The following USP48 variants were observed in gnomAD, a reference collection of about 807,000 sequenced individuals.
USP48 encodes ubiquitin carboxyl-terminal hydrolase 48.
In USP48, 43 loss-of-function variants were observed where a neutral mutation model predicts 150.7. That is an observed-to-expected ratio of 0.29 (90% CI 0.22 to 0.37). The LOEUF is 0.37. Among genes scored for constraint, USP48 ranks in the 10% least tolerant of loss-of-function variants. The pLI is 1.00. For missense variants in USP48, 813 were observed against 1,249.6 expected (o/e 0.65, Z 5.27); for synonymous variants, 396 against 425.9 (o/e 0.93, Z 0.86).
chr1:21,761,027 G>T (rs2097848672), intron 1 of USP48, among the ~76,000 whole-genome samples: 2 of 151,858 alleles, frequency 1.3e-5, no homozygotes, highest in Non-Finnish European at 2.9e-5. Flanking sequence ...CCAGCAGGGT[G>T]AAGGTTGTGG....
intron 8 of USP48, among the ~76,000 whole-genome samples, chr1:21,743,128 T>C (rs1298832913): frequency 2.6e-5 from 4 of 152,128 alleles, no homozygotes; most frequent in African/African-American, 7.2e-5. Flanking sequence ...TTTGTGGCTC[T>C]ATTGACCCTA....
chr1:21,755,652 T>C (rs113375053), intron 3 of USP48, among the ~76,000 whole-genome samples: 30 of 151,746 alleles, frequency 2.0e-4, no homozygotes, highest in East Asian at 3.9e-4. Context: ...TTACTACCAA[T>C]TGTGGCTTTC....
chr1:21,756,471 A>G (rs2097835374), intron 3 of USP48, 75 bp downstream of exon 3: 1 of 1,395,378 alleles, frequency 7.2e-7, no homozygotes, highest in Admixed American at 3.1e-5. Context: ...ACAGAGGAAG[A>G]CTCAAAAAAA....
rs373231302 is a variant in USP48, at chr1:21,697,489, C to T, written c.2728-2268G>A. On this transcript the variant is annotated intron_variant, in intron 22 of 26. Transcript: ENST00000308271. ...CCATCCTGGCTAACATGGTGAAACCCCGTCTCTACTAAAAATACAAAAAAT... is the reference window on the plus strand; with the variant it reads ...CCATCCTGGCTAACATGGTGAAACCTCGTCTCTACTAAAAATACAAAAAAT... Among the ~76,000 whole-genome samples, 227 of 152,002 alleles carry T rather than the reference C, an allele frequency of 1.5e-3. 2 individuals are homozygous for T. Among genetic ancestry groups the T allele is most frequent in the African/African-American group, 4.8e-3 (199 of 41,472 alleles).
intron 12 of USP48, among the ~76,000 whole-genome samples, chr1:21,723,566 AC>A (rs1310523634): frequency 2.0e-5 from 3 of 152,024 alleles, no homozygotes; most frequent in African/African-American, 7.2e-5. Context: ...CTTGCAATTA[AC>A]CAGACAAGGG....
rs1285592113 is a variant in USP48, at chr1:21,709,640, G to C, written c.1964-2772C>G. 2.6e-5 allele frequency among the ~76,000 whole-genome samples: 4 copies of C among 151,846 alleles called. No homozygotes were observed. The South Asian group carries it at 8.3e-4, about 32-fold the overall frequency. On this transcript the variant is annotated intron_variant, in intron 15 of 26. Transcript: ENST00000308271. The stretch of plus-strand genomic sequence containing the variant: ...GTGGTATAACCCCATGTGGTTATGA[G>C]GAAACAATAATGGGAATGCACACAC...
At chr1:21,756,905 A>T in intron 2 of USP48, 1 of 985,418 alleles carries the variant, frequency 1.0e-6, no homozygotes, top group East Asian at 1.1e-4. Flanking sequence ...GGAGTGAAAA[A>T]GACTTCGGAC....
At chr1:21,706,672 T>C in intron 16 of USP48, 72 bp downstream of exon 16, 1 of 1,611,170 alleles carries the variant, frequency 6.2e-7, no homozygotes, top group Non-Finnish European at 8.5e-7. Context: ...AGAAGTACAG[T>C]GTTAATTCCC....
At chr1:21,717,449 C>CCCAA (rs1045546248) in intron 14 of USP48, among the ~76,000 whole-genome samples, 106 of 58,846 alleles carry the variant, frequency 1.8e-3, no homozygotes, top group South Asian at 0.012. Flanking sequence ...TAAAAAAAAA[C>CCCAA]CCAACCAACC....
chr1:21,708,019 A>T (rs1261616112), intron 15 of USP48, among the ~76,000 whole-genome samples: 1 of 151,996 alleles, frequency 6.6e-6, no homozygotes, highest in Non-Finnish European at 1.5e-5. Flanking sequence ...AACATCAGCC[A>T]GGTATGGTGG....
chr1:21,777,565 G>A (rs1263373648), intron 1 of USP48, among the ~76,000 whole-genome samples: 2 of 152,040 alleles, frequency 1.3e-5, no homozygotes, highest in African/African-American at 4.8e-5. Flanking sequence ...TACTGGGGAT[G>A]TTGAGGCAAA....
chr1:21,685,351 A>G (rs1335148397), intron 25 of USP48, among the ~76,000 whole-genome samples: 23 of 137,362 alleles, frequency 1.7e-4, no homozygotes, highest in Non-Finnish European at 2.9e-4. Context: ...TTTGAGATGG[A>G]GTCTGTCATC....
At chr1:21,716,003 C>A (rs1332287383) in intron 14 of USP48, among the ~76,000 whole-genome samples, 2 of 152,212 alleles carry the variant, frequency 1.3e-5, no homozygotes, top group African/African-American at 4.8e-5. Context: ...ATGTCTTCCA[C>A]CCACAAGTTT....
chr1:21,738,980 A>C (rs899323449), intron 8 of USP48, among the ~76,000 whole-genome samples: 1 of 152,200 alleles, frequency 6.6e-6, no homozygotes, highest in Non-Finnish European at 1.5e-5. Flanking sequence ...AATATTTTTA[A>C]ATCTTTCTAA....
At chr1:21,763,643 G>A (rs1001593664) in intron 1 of USP48, among the ~76,000 whole-genome samples, 1 of 152,122 alleles carries the variant, frequency 6.6e-6, no homozygotes, top group Admixed American at 6.6e-5. Context: ...GAGAAACCTC[G>A]TCTCTACTAA....
intron 15 of USP48, among the ~76,000 whole-genome samples, chr1:21,714,242 A>G (rs1017604432): frequency 6.6e-6 from 1 of 152,196 alleles, no homozygotes; most frequent in African/African-American, 2.4e-5. Flanking sequence ...TGAACCACTG[A>G]CAAGCCAACT....
chr1:21,704,503 G>A, intron 19 of USP48, 111 bp from the exon 20 acceptor site: 1 of 1,185,274 alleles, frequency 8.4e-7, no homozygotes, highest in South Asian at 2.0e-5. Context: ...TTAATCCAAA[G>A]GAATTAGAGA....
At chr1:21,707,954 G>A (rs2097677700) in intron 15 of USP48, among the ~76,000 whole-genome samples, 1 of 152,084 alleles carries the variant, frequency 6.6e-6, no homozygotes, top group Non-Finnish European at 1.5e-5. Context: ...CACTTGTCAG[G>A]AGTTTGAGAC....
chr1:21,731,265 ATTTTC>A (rs888905586), intron 9 of USP48, among the ~76,000 whole-genome samples: 5 of 152,052 alleles, frequency 3.3e-5, no homozygotes, highest in African/African-American at 7.2e-5. Flanking sequence ...AAAATAGCAT[ATTTTC>A]TTTTCTTTTT....
Sources: allele counts gnomAD v4.1 joint callset (sites outside exome capture counted in the v4.1 genomes callset), GRCh38; gene constraint gnomAD v4.1.1; transcripts MANE v1.5; gene names NCBI Gene and HGNC (gene_info 2026-07-23, HGNC 2026-07-21).